Variants in OTOF observed in about 807,000 individuals in gnomAD.
OTOF encodes fer-1-like family member 2.
Under a neutral mutation model 236.8 loss-of-function variants are expected in OTOF, and 218 were observed. The observed-to-expected ratio is 0.92, with a 90% CI of 0.82 to 1.03. OTOF has a LOEUF of 1.03. Among genes scored for constraint, OTOF ranks in the 50% least tolerant of loss-of-function variants. The pLI is 0.00. For synonymous variants in OTOF, 1,041 were observed against 1,072.5 expected, an observed-to-expected ratio of 0.97 and a Z score of 0.57; for missense variants, 2,590 against 2,694.4, an observed-to-expected ratio of 0.96 and a Z score of 0.86.
Position 26,458,232 on chromosome 2 carries a change from A to G in OTOF, c.*18-12T>C, listed in dbSNP as rs1400360991. On this transcript the variant is annotated splice_polypyrimidine_tract_variant and intron_variant, in intron 46 of 46. Transcript: ENST00000272371. ...CCGTGTCGGGCCGGCTGGGAAGTGG[A>G]AGAGAGGAGCCGGTCAGCCAGTGGG... is the stretch of plus-strand genomic sequence containing the variant. 6.4e-7 allele frequency: 1 copy of G among 1,565,628 alleles called. No individual in the cohort carries two copies. The highest frequency in any genetic ancestry group is 1.4e-5 in the African/African-American group (1 of 73,516).
At chr2:26,532,379 C>A (rs1026135842) in intron 2 of OTOF, among the ~76,000 whole-genome samples, 15 of 152,156 alleles carry the variant, frequency 9.9e-5, no homozygotes, top group Admixed American at 4.6e-4. Context: ...TCTCCTGAAG[C>A]CTGGTACTGC....
At position 26,516,607 on chromosome 2, in the gene OTOF, G is replaced by A; in HGVS notation, c.328-8C>T. On this transcript the variant is annotated splice_polypyrimidine_tract_variant and splice_region_variant and intron_variant, in intron 4 of 46. Coordinates refer to ENST00000272371, the MANE Select transcript of OTOF (RefSeq NM_194248.3). ...CTCCACGCACAGGCTGGTCTGAAGGGAGGGAGGCGGTGGTGAGCAGCTGGG... is the reference window on the plus strand; with the variant it reads ...CTCCACGCACAGGCTGGTCTGAAGGAAGGGAGGCGGTGGTGAGCAGCTGGG... 1 of 1,602,994 alleles carries A rather than the reference G, an allele frequency of 6.2e-7. No individual in the cohort carries two copies. Among genetic ancestry groups the A allele is most frequent in the Non-Finnish European group, 8.5e-7 (1 of 1,179,934 alleles).
At chr2:26,502,249 C>T (rs748682238) in intron 7 of OTOF, 51 bp downstream of exon 7, 2 of 1,608,556 alleles carry the variant, frequency 1.2e-6, no homozygotes, top group Non-Finnish European at 1.7e-6. Context: ...AAGCCAGGTC[C>T]TGCCTGACAG....
intron 3 of OTOF, among the ~76,000 whole-genome samples, chr2:26,522,168 G>T (rs181499943): frequency 1.3e-5 from 2 of 151,924 alleles, no homozygotes; most frequent in Non-Finnish European, 2.9e-5. Flanking sequence ...TGGCTTGGGG[G>T]GTTTTAACTC....
At position 26,457,894 on chromosome 2, in the gene OTOF, C is replaced by T; in HGVS notation, c.*344G>A. On this transcript the variant is annotated 3_prime_UTR_variant, in exon 47 of 47. Transcript: ENST00000272371. The surrounding 1 kb of genome is among the most constrained non-coding windows in gnomAD (Gnocchi z 4.4). ...GCCTGGGGCAGTGAGGACAGGCGGCCCCCGCAAGCAGGAGGCAGGCTCGGC... is the reference window on the plus strand; with the variant it reads ...GCCTGGGGCAGTGAGGACAGGCGGCTCCCGCAAGCAGGAGGCAGGCTCGGC... The T allele has an allele frequency of 2.5e-6, 2 of 813,416 alleles. No individual in the cohort carries two copies. The allele number at this position is 813,416 out of a possible 1,614,324, so 50.4% of individuals were successfully genotyped here.
intron 5 of OTOF, among the ~76,000 whole-genome samples, chr2:26,508,603 C>T (rs1227169848): frequency 6.6e-6 from 1 of 152,240 alleles, no homozygotes; most frequent in Non-Finnish European, 1.5e-5. Context: ...CTCAAGCAAG[C>T]AGCATCATGG....
In OTOF at chr2:26,519,097, G is replaced by A; in HGVS notation, c.240C>T (p.Thr80=). The change falls in exon 4 of 47, where the codon ACC becomes ACT. Residue 80 remains threonine, a synonymous_variant. Transcript: ENST00000272371. ...SKVFSNKLIG[T]FRMVLQKVVE... ...CCACCTTCTGCAGCACCATGCGGAA[G>A]GTCCCGATGAGCCTGGGGATGGCAG... is the stretch of plus-strand genomic sequence containing the variant. The A allele has an allele frequency of 1.3e-6, 2 of 1,599,782 alleles. No individual in the cohort carries two copies. The highest frequency in any genetic ancestry group is 1.1e-5 in the South Asian group (1 of 89,352).
At chr2:26,527,204 A>C (rs936798502) in intron 3 of OTOF, among the ~76,000 whole-genome samples, 1 of 152,254 alleles carries the variant, frequency 6.6e-6, no homozygotes, top group African/African-American at 2.4e-5. Flanking sequence ...TACCTGATAC[A>C]CAATCGACGC....
intron 5 of OTOF, among the ~76,000 whole-genome samples, chr2:26,512,675 G>A (rs1188870458): frequency 6.6e-6 from 1 of 152,204 alleles, no homozygotes; most frequent in African/African-American, 2.4e-5. Context: ...CTTCTGCAGA[G>A]CCCTTGGTAT....
At chr2:26,513,390 G>C (rs976062565) in intron 5 of OTOF, among the ~76,000 whole-genome samples, 1 of 152,116 alleles carries the variant, frequency 6.6e-6, no homozygotes, top group Non-Finnish European at 1.5e-5. Context: ...GGTGAGGAGT[G>C]CCCAGAGGAT....
At position 26,474,000 on chromosome 2, in the gene OTOF, G is replaced by T. The variant is rs1665126718; in HGVS notation, c.3399C>A (p.Tyr1133Ter). 2.5e-6 allele frequency: 4 copies of T among 1,612,830 alleles called. No individual in the cohort carries two copies. The highest frequency in any genetic ancestry group is 3.4e-6 in the Non-Finnish European group (4 of 1,179,892). Residue 1133 changes from tyrosine to a stop codon, truncating the protein, a stop_gained, in exon 27 of 47, where the codon TAC becomes TAA. Coordinates refer to ENST00000272371, the MANE Select transcript of OTOF (RefSeq NM_194248.3). LOFTEE classifies it high-confidence loss of function. This position sits in a 1 kb window ranked among gnomAD's most constrained non-coding sequence, Gnocchi z 7.2. The stretch of plus-strand genomic sequence containing the variant: ...CACAGAGCCCTCGCACCTCCACTCG[G>T]TACTTGCTGAGCACGGGCCGGATGC... The part of the protein sequence containing the change: ...PMGIRPVLSK[Y>*]RVEVLFWGLR...
chr2:26,552,631 G>A (rs560271364), intron 1 of OTOF, among the ~76,000 whole-genome samples: 2 of 152,312 alleles, frequency 1.3e-5, no homozygotes, highest in South Asian at 4.1e-4. Flanking sequence ...TGCTCTGTCT[G>A]CCCTTCGCTG....
chr2:26,491,946 G>C (rs999097823), intron 9 of OTOF, among the ~76,000 whole-genome samples: 14 of 152,208 alleles, frequency 9.2e-5, no homozygotes, highest in African/African-American at 2.9e-4. Context: ...AGATACCTAA[G>C]TCATGTTGAT....
rs182458069 is a variant in OTOF, at chr2:26,529,350, A to G, written c.139-1430T>C. ...CAGACTGCTCAATAGTCCAGTAATAAATAATAATAGTAATAATCGCTGCCA... is the reference window on the plus strand; with the variant it reads ...CAGACTGCTCAATAGTCCAGTAATAGATAATAATAGTAATAATCGCTGCCA... On this transcript the variant is annotated intron_variant, in intron 2 of 46. Coordinates refer to ENST00000272371, the MANE Select transcript of OTOF (RefSeq NM_194248.3). 2.4e-4 allele frequency among the ~76,000 whole-genome samples: 37 copies of G among 152,340 alleles called. No homozygotes were observed. The East Asian group carries it at 7.1e-3, about 29-fold the overall frequency.
At chr2:26,530,497 C>A (rs1666918394) in intron 2 of OTOF, among the ~76,000 whole-genome samples, 1 of 152,146 alleles carries the variant, frequency 6.6e-6, no homozygotes, top group Non-Finnish European at 1.5e-5. Context: ...TGGAGGCTTT[C>A]CGGGTGAGGG....
chr2:26,466,140 C>G (rs1572408790), intron 36 of OTOF, 64 bp from the exon 37 acceptor site: 12 of 1,605,034 alleles, frequency 7.5e-6, no homozygotes, highest in Non-Finnish European at 1.0e-5. Flanking sequence ...AGTGCCCCTG[C>G]CAGGCTGCCT....
chr2:26,484,472 AC>A lies in OTOF; in HGVS notation c.1205+1del. The A allele has an allele frequency of 6.2e-7, 1 of 1,613,666 alleles. No homozygotes were observed. Among genetic ancestry groups the A allele is most frequent in the African/African-American group, 1.3e-5 (1 of 74,958 alleles). On this transcript the variant is annotated splice_donor_variant, in intron 12 of 46. Coordinates refer to ENST00000272371, the MANE Select transcript of OTOF (RefSeq NM_194248.3). LOFTEE classifies it high-confidence loss of function. ...CCAGGGGCTGGGGTAGCTGGGCCTC[AC>A]CCCTCAATGTCATCTTCGTCGGTCT...
chr2:26,483,085 G>A (rs1018755710), intron 13 of OTOF, among the ~76,000 whole-genome samples: 1 of 150,726 alleles, frequency 6.6e-6, no homozygotes, highest in Admixed American at 6.6e-5. Flanking sequence ...GTGTGAATGG[G>A]TGCATGTGTG....
At chr2:26,494,285 G>A (rs1216284365) in intron 9 of OTOF, among the ~76,000 whole-genome samples, 1 of 152,268 alleles carries the variant, frequency 6.6e-6, no homozygotes, top group African/African-American at 2.4e-5. Flanking sequence ...AAGAATAGGA[G>A]TGGGTACCAA....
Sources: gnomAD v4.1 joint callset for allele counts (sites outside exome capture counted in the v4.1 genomes callset) on GRCh38, gnomAD v4.1.1 for gene constraint, Gnocchi (gnomAD v3.1) non-coding constraint, MANE v1.5 for transcripts, NCBI Gene and HGNC (gene_info 2026-07-23, HGNC 2026-07-21) for gene names.